The following DLGAP1 variants were observed in gnomAD, a reference collection of about 807,000 sequenced individuals.
DLGAP1 encodes disks large-associated protein 1.
Under a neutral mutation model 90.8 loss-of-function variants are expected in DLGAP1, and 11 were observed. The ratio of observed to expected loss-of-function variants is 0.12; its 90% confidence interval spans 0.08 to 0.20. DLGAP1 has a LOEUF of 0.20. Ranked by LOEUF, DLGAP1 falls within the 10% of genes least tolerant of loss-of-function variation. DLGAP1 has a pLI of 1.00. For synonymous variants in DLGAP1, 558 were observed against 540.7 expected, an observed-to-expected ratio of 1.03 and a Z score of -0.44; for missense variants, 1,050 against 1,333.8, an observed-to-expected ratio of 0.79 and a Z score of 3.31.
At chr18:3,929,430 C>A (rs1454224417) in intron 3 of DLGAP1, among the ~76,000 whole-genome samples, 2 of 152,332 alleles carry the variant, frequency 1.3e-5, no homozygotes, top group African/African-American at 2.4e-5. Context: ...AAGAGAGAAG[C>A]CCCACCATGG....
intron 1 of DLGAP1, among the ~76,000 whole-genome samples, chr18:4,164,706 G>GCAA (rs1172322532): frequency 1.3e-5 from 2 of 151,164 alleles, no homozygotes; most frequent in Non-Finnish European, 3.0e-5. Context: ...ACAAAACAAA[G>GCAA]CAACAACAAC....
chr18:4,334,419 G>A (rs761900958), intron 1 of DLGAP1, among the ~76,000 whole-genome samples: 2 of 151,820 alleles, frequency 1.3e-5, no homozygotes, highest in Non-Finnish European at 2.9e-5. Flanking sequence ...CATGAAATCT[G>A]TAAATTAGCA....
chr18:4,151,308 A>G (rs1236381535), intron 1 of DLGAP1, 21 bp from the exon 2 acceptor site: 1 of 152,170 alleles, frequency 6.6e-6, no homozygotes, highest in Non-Finnish European at 1.5e-5. Context: ...ACAATGCAAT[A>G]ATTAGATGTA....
chr18:3,934,252 AG>A (rs368701345), intron 3 of DLGAP1, among the ~76,000 whole-genome samples: 70 of 152,302 alleles, frequency 4.6e-4, no homozygotes, highest in African/African-American at 1.7e-3. Context: ...ATTTCCCTAA[AG>A]GTTCTAGTTC....
intron 9 of DLGAP1, among the ~76,000 whole-genome samples, chr18:3,559,583 C>T (rs1227861193): frequency 2.0e-5 from 3 of 150,336 alleles, no homozygotes; most frequent in African/African-American, 4.9e-5. Context: ...TACCCTAGAG[C>T]CCTAGAGTTT....
intron 1 of DLGAP1, among the ~76,000 whole-genome samples, chr18:4,367,641 A>G (rs1222040472): frequency 6.6e-6 from 1 of 152,152 alleles, no homozygotes; most frequent in African/African-American, 2.4e-5. Context: ...TGAGGTCAGG[A>G]GATCGAGACC....
intron 2 of DLGAP1, among the ~76,000 whole-genome samples, chr18:4,044,526 A>C (rs1014941976): frequency 6.6e-6 from 1 of 152,070 alleles, no homozygotes; most frequent in Non-Finnish European, 1.5e-5. Flanking sequence ...GTGGACCATG[A>C]GGTCAGGAGT....
intron 1 of DLGAP1, among the ~76,000 whole-genome samples, chr18:4,377,006 A>G (rs759734500): frequency 2.3e-4 from 35 of 152,188 alleles, no homozygotes; most frequent in Non-Finnish European, 4.3e-4. Context: ...TTCTGAATCC[A>G]TCCAGTGATT....
intron 1 of DLGAP1, among the ~76,000 whole-genome samples, chr18:4,204,501 T>A (rs1212434211): frequency 6.8e-6 from 1 of 146,628 alleles, no homozygotes; most frequent in African/African-American, 2.6e-5. Flanking sequence ...CTGACAGGAC[T>A]GTTGTGGTTT....
intron 12 of DLGAP1, among the ~76,000 whole-genome samples, chr18:3,500,792 C>G (rs945065629): frequency 6.6e-6 from 1 of 152,112 alleles, no homozygotes; most frequent in African/African-American, 2.4e-5. Context: ...AGCATCTCTT[C>G]TTTTAGACAT....
At chr18:3,856,194 A>C (rs2069632400) in intron 4 of DLGAP1, among the ~76,000 whole-genome samples, 1 of 152,204 alleles carries the variant, frequency 6.6e-6, no homozygotes, top group Admixed American at 6.5e-5. Context: ...ACAGTAAGGG[A>C]TTTGAATAGG....
chr18:4,306,475 G>C (rs2080266902), intron 1 of DLGAP1, among the ~76,000 whole-genome samples: 2 of 144,830 alleles, frequency 1.4e-5, no homozygotes, highest in Non-Finnish European at 1.6e-5. Context: ...GAGAGAGAGA[G>C]ACAGACAGAG....
intron 1 of DLGAP1, among the ~76,000 whole-genome samples, chr18:4,332,917 A>C (rs2080981519): frequency 6.6e-6 from 1 of 151,958 alleles, no homozygotes; most frequent in Non-Finnish European, 1.5e-5. Flanking sequence ...AATCGAGTTT[A>C]AAACTAAACT....
chr18:3,721,924 A>G (rs781538525), intron 7 of DLGAP1: 8 of 152,168 alleles, frequency 5.3e-5, no homozygotes, highest in Non-Finnish European at 1.2e-4. Flanking sequence ...GTTACATTAG[A>G]CAATGTATGC....
chr18:3,652,418 C>T (rs535870735), intron 7 of DLGAP1, among the ~76,000 whole-genome samples: 33 of 152,236 alleles, frequency 2.2e-4, no homozygotes, highest in Non-Finnish European at 4.7e-4. Flanking sequence ...GCCTCAAACT[C>T]TTGAGCTCAA....
intron 1 of DLGAP1, among the ~76,000 whole-genome samples, chr18:4,246,258 T>G (rs1267511544): frequency 2.0e-5 from 3 of 152,154 alleles, no homozygotes; most frequent in Non-Finnish European, 4.4e-5. Context: ...TATTTTTCAC[T>G]TCCTGATTTG....
At chr18:4,397,795 G>C (rs1335848239) in intron 1 of DLGAP1, among the ~76,000 whole-genome samples, 2 of 152,112 alleles carry the variant, frequency 1.3e-5, no homozygotes, top group Non-Finnish European at 2.9e-5. Context: ...TTAGGAACCA[G>C]TGGTATTTAC....
chr18:3,874,637 T>C (rs1466906568), intron 4 of DLGAP1: 1 of 1,535,404 alleles, frequency 6.5e-7, no homozygotes, highest in Non-Finnish European at 8.7e-7. Flanking sequence ...ATAAATGCTT[T>C]ATTCCAAATG....
chr18:3,797,999 G>A (rs775970717), intron 5 of DLGAP1, among the ~76,000 whole-genome samples: 9 of 152,130 alleles, frequency 5.9e-5, no homozygotes, highest in East Asian at 1.9e-4. Flanking sequence ...TCTCATTGCC[G>A]CTCTTGCCTT....
Sources: allele counts gnomAD v4.1 joint callset (sites outside exome capture counted in the v4.1 genomes callset), GRCh38; gene constraint gnomAD v4.1.1; transcripts MANE v1.5; gene names NCBI Gene and HGNC (gene_info 2026-07-23, HGNC 2026-07-21).